PCDHGA6: variants seen among roughly 807,000 people sequenced by gnomAD.
The protein encoded by PCDHGA6 is protocadherin gamma subfamily A, 6.
In PCDHGA6, 41 loss-of-function variants were observed where a neutral mutation model predicts 60.6. The ratio of observed to expected loss-of-function variants is 0.68; its 90% CI spans 0.53 to 0.88. The LOEUF (loss-of-function observed/expected upper bound fraction) is 0.88. PCDHGA6 is among the 40% of genes least tolerant of loss of function. PCDHGA6 has a pLI of 0.00. For missense variants in PCDHGA6, 1,312 were observed against 1,203.0 expected, an observed-to-expected ratio of 1.09 and a Z score of -1.34; for synonymous variants, 594 against 524.4, an observed-to-expected ratio of 1.13 and a Z score of -1.81.
chr5:141,383,036 G>A, intron 1 of PCDHGA6: 1 of 1,613,876 alleles, frequency 6.2e-7, no homozygotes, highest in Non-Finnish European at 8.5e-7. Flanking sequence ...TCCTTTGTGG[G>A]AGACATCGCC....
intron 1 of PCDHGA6, chr5:141,428,211 C>T (rs777952475): frequency 2.2e-5 from 28 of 1,284,198 alleles, no homozygotes; most frequent in South Asian, 4.9e-5. Flanking sequence ...CTACGCTTCA[C>T]CTAGTCTTCG....
At chr5:141,397,896 C>G (rs371654961) in intron 1 of PCDHGA6, 48 of 650,728 alleles carry the variant, frequency 7.4e-5, no homozygotes, top group African/African-American at 2.0e-4. Flanking sequence ...GGCCAAAGTG[C>G]AGAGCTTGGC....
chr5:141,412,963 G>A (rs1387713187), intron 1 of PCDHGA6: 2 of 518,110 alleles, frequency 3.9e-6, no homozygotes, highest in South Asian at 3.3e-5. Context: ...TCACCTACTA[G>A]GAGAGAAAAC....
intron 2 of PCDHGA6, among the ~76,000 whole-genome samples, chr5:141,497,543 T>C (rs896069181): frequency 4.7e-5 from 7 of 149,068 alleles, no homozygotes; most frequent in Non-Finnish European, 9.0e-5. Context: ...AACAAACCTT[T>C]TTTTTTTTTT....
At chr5:141,421,781 G>A (rs1482347889) in intron 1 of PCDHGA6, 1 of 1,613,856 alleles carries the variant, frequency 6.2e-7, no homozygotes, top group Non-Finnish European at 8.5e-7. Context: ...CAACTGCGGG[G>A]CAGAACGGAT....
intron 1 of PCDHGA6, chr5:141,395,102 G>C: frequency 6.2e-7 from 1 of 1,614,172 alleles, no homozygotes; most frequent in Non-Finnish European, 8.5e-7. Flanking sequence ...CCGCCGACTC[G>C]CGGAAGAGTC....
At chr5:141,394,847 G>T in intron 1 of PCDHGA6, 1 of 1,613,848 alleles carries the variant, frequency 6.2e-7, no homozygotes, top group South Asian at 1.1e-5. Context: ...TGGGCAGTCT[G>T]AAGCCTTCGG....
intron 1 of PCDHGA6, chr5:141,408,974 G>A (rs899313364): frequency 6.2e-7 from 1 of 1,613,808 alleles, no homozygotes; most frequent in South Asian, 1.1e-5. Context: ...TCTGCCCCCT[G>A]GGTCCCCTGT....
chr5:141,417,768 C>A lies in PCDHGA6; in HGVS notation c.2424+41261C>A, dbSNP rs1444250512. On this transcript the variant is annotated intron_variant, in intron 1 of 3. Coordinates refer to ENST00000517434, the MANE Select transcript of PCDHGA6 (RefSeq NM_018919.3). ...ATTGCCAGCTCCGAGACCCGGGACT[C>A]CTCCTGTCCTGGGCCGAATGCTCTT... is the stretch of plus-strand genomic sequence containing the variant. 1.3e-5 allele frequency: 19 copies of A among 1,451,358 alleles called. No individual in the cohort carries two copies. In the South Asian group the frequency reaches 1.7e-4, roughly 13 times the overall value. The allele number at this position is 1,451,358 out of a possible 1,614,324, so 89.9% of individuals were successfully genotyped here. A position where few individuals can be genotyped will look rare whatever the true frequency, so the allele number is the denominator to read the frequency against.
rs145484670 is a variant in PCDHGA6 at position 141,469,912 on chromosome 5, C to T, written c.2425-24895C>T. Among the ~76,000 whole-genome samples, 674 of 152,288 alleles carry T rather than the reference C, an allele frequency of 4.4e-3. 6 individuals are homozygous for T. The highest frequency in any genetic ancestry group is 0.015 in the African/African-American group (642 of 41,562). On this transcript the variant is annotated intron_variant, in intron 1 of 3. Transcript: ENST00000517434. ...TTGGGAAGCCGAGGCAGGCAGACCA[C>T]CCGAGGTCAGGAGTTTGAGACCAGC...
Position 141,422,444 on chromosome 5 carries a change from T to TA in PCDHGA6, c.2424+45939dup, listed in dbSNP as rs1171104340. 1.9e-6 allele frequency: 3 copies of TA among 1,610,490 alleles called. No homozygotes were observed. The Admixed American group carries it at 5.1e-5, about 27-fold the overall frequency. ...ACTTATGGAAATTATTACAAATTGA[T>TA]AACAAGCAGAGTGCTGGACAGGGAG... On this transcript the variant is annotated intron_variant, in intron 1 of 3. Coordinates refer to ENST00000517434, the MANE Select transcript of PCDHGA6 (RefSeq NM_018919.3).
intron 1 of PCDHGA6, chr5:141,417,801 G>A (rs368563336): frequency 1.3e-6 from 2 of 1,490,494 alleles, no homozygotes; most frequent in South Asian, 1.4e-5. Context: ...CTTTTAGCGC[G>A]GTAGAGTGCA....
At chr5:141,458,728 T>A (rs1010109573) in intron 1 of PCDHGA6, among the ~76,000 whole-genome samples, 1 of 151,870 alleles carries the variant, frequency 6.6e-6, no homozygotes, top group Non-Finnish European at 1.5e-5. Context: ...CGCCACCACA[T>A]CCAGCTATTG....
intron 1 of PCDHGA6, chr5:141,382,981 G>A (rs781148657): frequency 6.2e-7 from 1 of 1,612,324 alleles, no homozygotes; most frequent in Non-Finnish European, 8.5e-7. Flanking sequence ...GGAAGCCTGG[G>A]CAGGACGTAT....
Position 141,423,433 on chromosome 5 carries a change from A to G in PCDHGA6, c.2424+46926A>G, listed in dbSNP as rs746170494. ...GGCTTCTGAAGGCGGGTTGGCAGGT[A>G]TGCCCACGTCACATTTTGTAGGCGT... On this transcript the variant is annotated intron_variant, in intron 1 of 3. Coordinates refer to ENST00000517434, the MANE Select transcript of PCDHGA6 (RefSeq NM_018919.3). 3.1e-6 allele frequency: 5 copies of G among 1,614,010 alleles called. No homozygotes were observed. The East Asian group carries it at 8.9e-5, about 29-fold the overall frequency.
chr5:141,438,579 CATACATACATACATAT>C (rs1360889040), intron 1 of PCDHGA6, among the ~76,000 whole-genome samples: 18 of 55,776 alleles, frequency 3.2e-4, no homozygotes, highest in Non-Finnish European at 5.1e-4. Context: ...GATATACATA[CATACATACATACATAT>C]ATATATATAT....
chr5:141,414,909 C>G (rs1230113440), intron 1 of PCDHGA6: 4 of 1,614,220 alleles, frequency 2.5e-6, no homozygotes, highest in Non-Finnish European at 3.4e-6. Context: ...GTTCCACAGG[C>G]GTGGAGCTGG....
intron 1 of PCDHGA6, 177 bp downstream of exon 1, chr5:141,376,684 T>TTTTTGTTTTTG: frequency 2.5e-6 from 2 of 809,290 alleles, no homozygotes; most frequent in African/African-American, 1.9e-5. Flanking sequence ...TCGTTTTTTT[T>TTTTTGTTTTTG]TTTTTTTTTT....
At chr5:141,443,209 C>T (rs1183847804) in intron 1 of PCDHGA6, among the ~76,000 whole-genome samples, 2 of 152,030 alleles carry the variant, frequency 1.3e-5, no homozygotes, top group African/African-American at 2.4e-5. Flanking sequence ...GAGCTTGTCT[C>T]GCCAGGCGCA....
Sources: allele counts gnomAD v4.1 joint callset (sites outside exome capture counted in the v4.1 genomes callset), GRCh38; gene constraint gnomAD v4.1.1; transcripts MANE v1.5; gene names NCBI Gene and HGNC (gene_info 2026-07-23, HGNC 2026-07-21).